KCNJ6: variants seen among roughly 807,000 people sequenced by gnomAD.
KCNJ6 encodes the protein potassium inwardly rectifying channel subfamily J member 6, also known as G protein-activated inward rectifier potassium channel 2.
In KCNJ6, 9 loss-of-function variants were observed where a neutral mutation model predicts 34.2. The observed-to-expected ratio is 0.26, with a 90% CI of 0.16 to 0.46. The LOEUF (loss-of-function observed/expected upper bound fraction) is 0.46. KCNJ6 is among the 20% of genes least tolerant of loss of function. The pLI, the probability that KCNJ6 is intolerant of heterozygous loss-of-function variation, is 1.00. For missense variants in KCNJ6, 236 were observed against 531.3 expected (o/e 0.44, Z 5.46); for synonymous variants, 196 against 207.1 (o/e 0.95, Z 0.46).
intron 1 of KCNJ6, among the ~76,000 whole-genome samples, chr21:37,915,119 C>T (rs1464456640): frequency 1.3e-5 from 2 of 152,108 alleles, no homozygotes; most frequent in Middle Eastern, 3.2e-3. Context: ...TTTGGGAATA[C>T]TGATGTTATT....
chr21:37,859,760 T>G (rs1023863288), intron 1 of KCNJ6, among the ~76,000 whole-genome samples: 2 of 151,408 alleles, frequency 1.3e-5, no homozygotes, highest in Non-Finnish European at 2.9e-5. Flanking sequence ...AAGGTTACAG[T>G]CAACTAAAAA....
chr21:37,869,064 G>C (rs1281707177), intron 1 of KCNJ6, among the ~76,000 whole-genome samples: 1 of 152,254 alleles, frequency 6.6e-6, no homozygotes, highest in Non-Finnish European at 1.5e-5. Context: ...GGATCCCTGA[G>C]CTGTGCTCTA....
At chr21:37,712,934 A>G (rs1448009988) in intron 3 of KCNJ6, among the ~76,000 whole-genome samples, 2 of 151,992 alleles carry the variant, frequency 1.3e-5, no homozygotes, top group Non-Finnish European at 2.9e-5. Context: ...CTTTAAAGCT[A>G]CTTTCCGATT....
At chr21:37,869,353 T>C (rs998246249) in intron 1 of KCNJ6, among the ~76,000 whole-genome samples, 10 of 152,242 alleles carry the variant, frequency 6.6e-5, no homozygotes, top group Non-Finnish European at 4.4e-5. Flanking sequence ...TAATAATTCA[T>C]AGAAATAATC....
chr21:37,826,914 TGA>T (rs1353664406), intron 2 of KCNJ6, among the ~76,000 whole-genome samples: 2 of 152,190 alleles, frequency 1.3e-5, no homozygotes, highest in Non-Finnish European at 2.9e-5. Context: ...CACGTCTTAC[TGA>T]GAGTGTTCTT....
At chr21:37,887,663 T>C (rs2055742440) in intron 1 of KCNJ6, among the ~76,000 whole-genome samples, 1 of 152,092 alleles carries the variant, frequency 6.6e-6, no homozygotes, top group East Asian at 1.9e-4. Flanking sequence ...CCCTCTCTGA[T>C]GAGATGACCT....
At chr21:37,645,682 C>T (rs1454420025) in intron 3 of KCNJ6, among the ~76,000 whole-genome samples, 2 of 152,270 alleles carry the variant, frequency 1.3e-5, no homozygotes, top group East Asian at 1.9e-4. Flanking sequence ...TCTGGGGCTG[C>T]GGTGACCCTG....
rs373191651 is a variant in KCNJ6, at chr21:37,816,209, T to C, written c.25+24449A>G. On this transcript the variant is annotated intron_variant, in intron 2 of 3. Transcript: ENST00000609713. ...GGAGCACTTTATTGACCTTTGGCTG[T>C]GTGCCACGCTCTGTGGTAGGTGCTG... Among the ~76,000 whole-genome samples, 7 of 152,306 alleles carry C rather than the reference T, an allele frequency of 4.6e-5. No homozygotes were observed. In the East Asian group the frequency reaches 1.4e-3, roughly 29 times the overall value.
intron 1 of KCNJ6, among the ~76,000 whole-genome samples, chr21:37,899,801 G>T (rs1343440337): frequency 2.6e-5 from 4 of 152,148 alleles, no homozygotes; most frequent in Non-Finnish European, 4.4e-5. Flanking sequence ...TTCCTTCCTG[G>T]GCGCTTGTGA....
At chr21:37,885,798 C>T (rs2123628768) in intron 1 of KCNJ6, among the ~76,000 whole-genome samples, 1 of 152,366 alleles carries the variant, frequency 6.6e-6, no homozygotes, top group South Asian at 2.1e-4. Flanking sequence ...CCAGCCAAGC[C>T]TGCACTTCTG....
chr21:37,768,172 T>C (rs1476496710), intron 2 of KCNJ6, among the ~76,000 whole-genome samples: 2 of 151,900 alleles, frequency 1.3e-5, no homozygotes, highest in Non-Finnish European at 2.9e-5. Flanking sequence ...TGTTTGTCCT[T>C]CCCAAGCTGC....
chr21:37,680,522 G>C (rs1046699924), intron 3 of KCNJ6, among the ~76,000 whole-genome samples: 1 of 152,350 alleles, frequency 6.6e-6, no homozygotes, highest in Middle Eastern at 3.4e-3. Context: ...ACTTCCGTGA[G>C]AGTGGTTCTG....
At chr21:37,811,986 A>G (rs2055325047) in intron 2 of KCNJ6, among the ~76,000 whole-genome samples, 1 of 152,250 alleles carries the variant, frequency 6.6e-6, no homozygotes. Flanking sequence ...GGGCAAGATG[A>G]TTAAATGGCA....
chr21:37,761,514 T>C (rs927636968), intron 2 of KCNJ6, among the ~76,000 whole-genome samples: 1 of 150,540 alleles, frequency 6.6e-6, no homozygotes, highest in African/African-American at 2.4e-5. Context: ...AGTGCATGTG[T>C]ATATTTGTGT....
chr21:37,778,758 T>C (rs1435163029), intron 2 of KCNJ6, among the ~76,000 whole-genome samples: 1 of 151,530 alleles, frequency 6.6e-6, no homozygotes, highest in African/African-American at 2.4e-5. Flanking sequence ...CAAGACAACA[T>C]GTTCCCATCT....
intron 3 of KCNJ6, among the ~76,000 whole-genome samples, chr21:37,693,896 T>C (rs562169274): frequency 2.1e-4 from 32 of 151,610 alleles, no homozygotes; most frequent in Non-Finnish European, 2.8e-4. Flanking sequence ...TTCTTCCATG[T>C]GCCCACTATC....
At chr21:37,772,794 A>G (rs2055123536) in intron 2 of KCNJ6, among the ~76,000 whole-genome samples, 1 of 152,216 alleles carries the variant, frequency 6.6e-6, no homozygotes, top group African/African-American at 2.4e-5. Context: ...AAGTACATGT[A>G]AAACCTAAAT....
intron 3 of KCNJ6, among the ~76,000 whole-genome samples, chr21:37,707,733 G>GTGTGTGTGTGTGTATA (rs1237113944): frequency 4.7e-5 from 7 of 149,896 alleles, no homozygotes; most frequent in Admixed American, 6.6e-5. Context: ...ATGTGTGTGT[G>GTGTGTGTGTGTGTATA]TGAATAATTT....
At chr21:37,809,765 T>C (rs2055313347) in intron 2 of KCNJ6, among the ~76,000 whole-genome samples, 1 of 152,204 alleles carries the variant, frequency 6.6e-6, no homozygotes, top group Non-Finnish European at 1.5e-5. Flanking sequence ...GAGCATGGTA[T>C]GTGTGCTGCT....
Sources: gnomAD v4.1 joint callset for allele counts (sites outside exome capture counted in the v4.1 genomes callset) on GRCh38, gnomAD v4.1.1 for gene constraint, MANE v1.5 for transcripts, NCBI Gene and HGNC (gene_info 2026-07-23, HGNC 2026-07-21) for gene names.